GINS3: variants seen among roughly 807,000 people sequenced by gnomAD.
The protein encoded by GINS3 is DNA replication complex GINS protein PSF3.
A neutral mutation model predicts 20.0 loss-of-function variants in GINS3; 18 were observed. That is an observed-to-expected ratio of 0.90 (90% CI 0.62 to 1.33). The LOEUF (loss-of-function observed/expected upper bound fraction) is 1.33, where lower values mean the gene tolerates loss of function less well. Ranked by LOEUF, GINS3 falls within the 40% of genes most tolerant of loss-of-function variation. The pLI is 0.00. For synonymous variants in GINS3, 109 were observed against 107.0 expected (o/e 1.02, Z -0.12); for missense variants, 254 against 273.6 (o/e 0.93, Z 0.51).
chr16:58,394,978 A>T, intron 1 of GINS3: 1 of 403,092 alleles, frequency 2.5e-6, no homozygotes, highest in East Asian at 3.8e-5. Context: ...GGTTTGTATG[A>T]CATTTAATTT....
chr16:58,397,291 G>T (rs917433256), intron 1 of GINS3, among the ~76,000 whole-genome samples: 1 of 150,814 alleles, frequency 6.6e-6, no homozygotes, highest in South Asian at 2.1e-4. Flanking sequence ...GACGATGGGC[G>T]GCCGGGCAGA....
chr16:58,403,018 C>T (rs1390357191), intron 1 of GINS3, 80 bp from the exon 2 acceptor site: 49 of 1,115,362 alleles, frequency 4.4e-5, no homozygotes, highest in Admixed American at 1.1e-4. Flanking sequence ...ATTGCGCAGG[C>T]GATGTGTATT....
At chr16:58,394,903 C>CT (rs35267757) in intron 1 of GINS3, among the ~76,000 whole-genome samples, 1 of 152,158 alleles carries the variant, frequency 6.6e-6, no homozygotes, top group South Asian at 2.1e-4. Context: ...TGTTCCACTT[C>CT]TTTGAGTGCA....
At chr16:58,398,698 T>C (rs1192220371) in intron 1 of GINS3, among the ~76,000 whole-genome samples, 1 of 152,260 alleles carries the variant, frequency 6.6e-6, no homozygotes, top group East Asian at 1.9e-4. Flanking sequence ...GATTTCTTTT[T>C]TGACCTGTAG....
At position 58,403,093 on chromosome 16, in the gene GINS3, T is replaced by C; in HGVS notation, c.187-5T>C. The C allele has an allele frequency of 6.2e-7, 1 of 1,611,750 alleles. No homozygotes were observed. Among genetic ancestry groups the C allele is most frequent in the Non-Finnish European group, 8.5e-7 (1 of 1,177,822 alleles). On this transcript the variant is annotated splice_region_variant and splice_polypyrimidine_tract_variant and intron_variant, in intron 1 of 2. Transcript: ENST00000318129. ...TTTTAAAATCTACATTCATGCATGC[T>C]GCAGGGTTCCAAGCTTGAACTACCC...
chr16:58,400,750 A>T (rs968452081), intron 1 of GINS3, among the ~76,000 whole-genome samples: 2 of 146,242 alleles, frequency 1.4e-5, no homozygotes, highest in East Asian at 1.9e-4. Flanking sequence ...TTTAGCACAT[A>T]AAAAAAAAAT....
intron 1 of GINS3, among the ~76,000 whole-genome samples, chr16:58,401,180 G>C (rs189234854): frequency 3.9e-5 from 6 of 152,232 alleles, no homozygotes; most frequent in African/African-American, 1.4e-4. Flanking sequence ...GAGTGTTACA[G>C]TTCCTAAAGG....
chr16:58,400,647 G>A (rs779384001), intron 1 of GINS3, among the ~76,000 whole-genome samples: 26 of 152,082 alleles, frequency 1.7e-4, no homozygotes, highest in Non-Finnish European at 3.1e-4. Context: ...TATCTTTCCT[G>A]CATACTTTCT....
intron 1 of GINS3, among the ~76,000 whole-genome samples, chr16:58,395,808 G>A (rs1429690814): frequency 5.3e-5 from 8 of 152,152 alleles, no homozygotes; most frequent in South Asian, 2.1e-4. Context: ...CCACAAAGCC[G>A]CCATTGTCAT....
intron 1 of GINS3, among the ~76,000 whole-genome samples, chr16:58,394,143 C>T (rs536287030): frequency 7.2e-5 from 11 of 152,064 alleles, no homozygotes; most frequent in Non-Finnish European, 1.3e-4. Flanking sequence ...TTAGTTAATG[C>T]CCTTTTTCTA....
chr16:58,393,534 C>CGG, intron 1 of GINS3: 1 of 152,298 alleles, frequency 6.6e-6, no homozygotes, highest in Admixed American at 6.5e-5. Context: ...CAAAGTAATA[C>CGG]ATAACCAACG....
chr16:58,403,390 T>C, intron 2 of GINS3, 59 bp downstream of exon 2: 5 of 1,323,110 alleles, frequency 3.8e-6, no homozygotes, highest in Non-Finnish European at 5.4e-6. Flanking sequence ...CAGCCACAGA[T>C]ACTACTTTTA....
chr16:58,398,190 T>C (rs1965909742), intron 1 of GINS3, among the ~76,000 whole-genome samples: 2 of 152,200 alleles, frequency 1.3e-5, no homozygotes, highest in South Asian at 4.1e-4. Context: ...GTCATTAATT[T>C]TTCAATCTTC....
intron 1 of GINS3, among the ~76,000 whole-genome samples, chr16:58,398,005 T>C (rs1965906410): frequency 6.6e-6 from 1 of 152,206 alleles, no homozygotes; most frequent in Non-Finnish European, 1.5e-5. Context: ...CAGGAGTCTA[T>C]CAATTTTTTT....
intron 1 of GINS3, chr16:58,395,335 ATATTT>A: frequency 1.3e-5 from 2 of 150,762 alleles, no homozygotes; most frequent in Non-Finnish European, 2.4e-5. Context: ...ATATATATAT[ATATTT>A]TTTTTTTAAT....
Position 58,404,517 on chromosome 16 carries a change from C to G in GINS3, c.439C>G (p.Arg147Gly), listed in dbSNP as rs760402447. The change falls in exon 3 of 3, where the codon CGC becomes GGC. Residue 147 changes from arginine (R) to glycine (G), a missense_variant. Physicochemically the swap from Arg to Gly is moderately radical, Grantham distance 125. Transcript: ENST00000318129. ...SLLQTFIGRF[R>G]RIMDSSQNAY... ...TTCCCAGACTTTTATCGGACGTTTT[C>G]GCCGCATCATGGACTCCTCACAGAA... 1 of 1,613,982 alleles carries G rather than the reference C, an allele frequency of 6.2e-7. No homozygotes were observed. The highest frequency in any genetic ancestry group is 2.2e-5 in the East Asian group (1 of 44,882).
Position 58,403,199 on chromosome 16 carries a change from G to A in GINS3, c.288G>A (p.Trp96Ter). 6.2e-7 allele frequency: 1 copy of A among 1,614,182 alleles called. No individual in the cohort carries two copies. Among genetic ancestry groups the A allele is most frequent in the Non-Finnish European group, 8.5e-7 (1 of 1,180,036 alleles). ...TCCCCAAGATCTACCAAGAGGGTTG[G>A]AGGACTGTGTTCAGTGCAGATCCCA... ...VELPKIYQEG[W>*]RTVFSADPNV... is the part of the protein sequence containing the mutation. The change falls in exon 2 of 3, where the codon TGG becomes TGA. Residue 96 changes from tryptophan (W) to a stop codon, truncating the protein, a stop_gained. Coordinates refer to ENST00000318129, the MANE Select transcript of GINS3 (RefSeq NM_022770.4). LOFTEE classifies it high-confidence loss of function.
chr16:58,405,040 C>T lies in GINS3; in HGVS notation c.*311C>T, dbSNP rs1479182408. ...CATATAATATATCACAGTAGAGTTG[C>T]AACTGAGATTCCTTGTGTCTGGGAG... On this transcript the variant is annotated 3_prime_UTR_variant, in exon 3 of 3. Transcript: ENST00000318129. The T allele has an allele frequency of 1.1e-5, 3 of 281,414 alleles. No individual in the cohort carries two copies. The highest frequency in any genetic ancestry group is 2.0e-5 in the Non-Finnish European group (3 of 147,584). The allele number at this position is 281,414 out of a possible 1,614,324, so 17.4% of individuals were successfully genotyped here.
Position 58,396,883 on chromosome 16 carries a change from C to T in GINS3, c.186+4096C>T, listed in dbSNP as rs1244323234. Among the ~76,000 whole-genome samples, 16 of 143,548 alleles carry T rather than the reference C, an allele frequency of 1.1e-4. No homozygotes were observed. The East Asian group carries it at 2.2e-3, about 20-fold the overall frequency. The allele number at this position is 143,548 out of a possible 152,430, so 94.2% of individuals were successfully genotyped here. A position where few individuals can be genotyped will look rare whatever the true frequency, so the allele number is the denominator to read the frequency against. On this transcript the variant is annotated intron_variant, in intron 1 of 2. Transcript: ENST00000318129. ...CTCCCGGACGGGGCGGCTGGCCGGGCGGGGGGCTGACCCCCCCACCTCCTT... is the reference window on the plus strand; with the variant it reads ...CTCCCGGACGGGGCGGCTGGCCGGGTGGGGGGCTGACCCCCCCACCTCCTT...
Sources: gnomAD v4.1 joint callset for allele counts (sites outside exome capture counted in the v4.1 genomes callset) on GRCh38, gnomAD v4.1.1 for gene constraint, MANE v1.5 for transcripts, NCBI Gene and HGNC (gene_info 2026-07-23, HGNC 2026-07-21) for gene names.